Variants in EVC2 observed in about 807,000 individuals in gnomAD.
EVC2 encodes EvC ciliary complex subunit 2.
EVC2 carries 148 observed loss-of-function variants against 149.3 expected under a neutral mutation model. The ratio of observed to expected loss-of-function variants is 0.99; its 90% CI spans 0.87 to 1.14. The LOEUF is 1.14. Among genes scored for constraint, EVC2 ranks in the 50% most tolerant of loss-of-function variants. EVC2 has a pLI of 0.00. For synonymous variants in EVC2, 776 were observed against 649.9 expected, an observed-to-expected ratio of 1.19 and a Z score of -2.95; for missense variants, 1,854 against 1,627.3, an observed-to-expected ratio of 1.14 and a Z score of -2.40.
Position 5,708,546 on chromosome 4 carries a change from G to T in EVC2, c.-33C>A. On this transcript the variant is annotated 5_prime_UTR_variant, in exon 1 of 22. Coordinates refer to ENST00000344408, the MANE Select transcript of EVC2 (RefSeq NM_147127.5). ...CGGGACCCGCTACCTCAAAGCGGCG[G>T]GTGCCGCCGAGTCGCTGGAGCTTCC... 7.2e-7 allele frequency: 1 copy of T among 1,384,130 alleles called. No homozygotes were observed. Among genetic ancestry groups the T allele is most frequent in the Non-Finnish European group, 9.4e-7 (1 of 1,068,082 alleles). 85.7% of individuals were successfully genotyped at this position (1,384,130 alleles called of 1,614,324 possible).
chr4:5,668,332 T>C (rs550921736), intron 7 of EVC2, among the ~76,000 whole-genome samples: 18 of 152,346 alleles, frequency 1.2e-4, no homozygotes, highest in Admixed American at 1.1e-3. Context: ...AATCAAAGTG[T>C]GATGCCACTT....
At chr4:5,681,372 A>T in intron 6 of EVC2, 59 bp from the exon 7 acceptor site, 2 of 1,574,466 alleles carry the variant, frequency 1.3e-6, no homozygotes, top group Admixed American at 3.3e-5. Flanking sequence ...CACGTGGGAT[A>T]ACATTTGGTG....
chr4:5,589,208 T>C (rs1381922720), intron 16 of EVC2, among the ~76,000 whole-genome samples: 2 of 152,248 alleles, frequency 1.3e-5, no homozygotes. Flanking sequence ...TAAGCTCTTT[T>C]ATGTGGGACT....
chr4:5,566,581 G>A (rs1174191381), intron 20 of EVC2, among the ~76,000 whole-genome samples: 1 of 152,308 alleles, frequency 6.6e-6, no homozygotes. Context: ...GATGCTAGCT[G>A]CTGGGGACAC....
At chr4:5,632,098 A>G (rs969200122) in intron 10 of EVC2, 66 bp from the exon 11 acceptor site, 2 of 1,597,102 alleles carry the variant, frequency 1.3e-6, no homozygotes, top group African/African-American at 1.3e-5. Context: ...TGTGCATGCA[A>G]TGCAATGTGT....
intron 7 of EVC2, among the ~76,000 whole-genome samples, chr4:5,667,764 G>C (rs767640799): frequency 1.3e-5 from 2 of 152,238 alleles, no homozygotes; most frequent in Non-Finnish European, 2.9e-5. Context: ...GGGACTCAGT[G>C]TCCAGGGTTT....
intron 21 of EVC2, among the ~76,000 whole-genome samples, chr4:5,548,972 T>TC (rs1721678888): frequency 2.6e-3 from 1 of 388 alleles, no homozygotes; most frequent in Non-Finnish European, 7.2e-3. Context: ...CTTCCTTCCT[T>TC]CTTTCTTTCT....
chr4:5,633,887 T>C lies in EVC2; in HGVS notation c.1471-1855A>G, dbSNP rs1403096101. Among the ~76,000 whole-genome samples the C allele has an allele frequency of 6.6e-6, 1 of 152,202 alleles. No individual in the cohort carries two copies. ...TCCACTTCCAATAACTCACAGAAGC[T>C]CTCAAAGGTGACATGCTGATCTCTA... On this transcript the variant is annotated intron_variant, in intron 10 of 21. Transcript: ENST00000344408. The surrounding 1 kb of genome is among the most constrained non-coding windows in gnomAD (Gnocchi z 4.4).
intron 5 of EVC2, among the ~76,000 whole-genome samples, chr4:5,688,339 G>A (rs764375839): frequency 1.3e-5 from 2 of 152,088 alleles, no homozygotes; most frequent in African/African-American, 2.4e-5. Flanking sequence ...GAAGCATGAC[G>A]GTTTAAAGGT....
Position 5,673,571 on chromosome 4 carries a change from C to CCA in EVC2, c.870+7688_870+7689insTG, listed in dbSNP as rs1388637965. ...GAGATGGTTATCCCGGCTTCCCCCC[C>CCA]AGAGTCCTCCTCACTTTCCTTCTTG... On this transcript the variant is annotated intron_variant, in intron 7 of 21. Transcript: ENST00000344408. Among the ~76,000 whole-genome samples the CCA allele has an allele frequency of 1.6e-4, 24 of 152,322 alleles. No individual in the cohort carries two copies. The East Asian group carries it at 2.3e-3, about 15-fold the overall frequency.
chr4:5,641,422 G>A (rs540363164), intron 9 of EVC2, among the ~76,000 whole-genome samples: 7 of 152,300 alleles, frequency 4.6e-5, no homozygotes, highest in African/African-American at 1.7e-4. Flanking sequence ...CAGGATACAT[G>A]GGAATTATCT....
Position 5,567,025 on chromosome 4 carries a change from G to C in EVC2, c.3557+1419C>G, listed in dbSNP as rs1722330523. ...ATATTCCATGGAGGAGCGTAGCATA[G>C]AGCATGTAACTGTCATCCTGTCACT... On this transcript the variant is annotated intron_variant, in intron 20 of 21. Transcript: ENST00000344408. This position sits in a 1 kb window ranked among gnomAD's most constrained non-coding sequence, Gnocchi z 4.4. 6.6e-6 allele frequency among the ~76,000 whole-genome samples: 1 copy of C among 152,116 alleles called. No individual in the cohort carries two copies. The highest frequency in any genetic ancestry group is 2.4e-5 in the African/African-American group (1 of 41,408).
In EVC2 at chr4:5,689,232, C is replaced by A; in HGVS notation, c.631G>T (p.Gly211Cys). The change falls in exon 5 of 22, where the codon GGT becomes TGT. Residue 211 changes from glycine (G) to cysteine (C), a missense_variant. Gly to Cys is a radical substitution (Grantham distance 159). Coordinates refer to ENST00000344408, the MANE Select transcript of EVC2 (RefSeq NM_147127.5). The part of the protein sequence containing the change: ...SELLLLDSIA[G>C]LTIWDSVGNR... The stretch of plus-strand genomic sequence containing the variant: ...CCCACAGAGTCCCAAATGGTGAGAC[C>A]AGCAATGCTGTCCAGCAAGAGCAGC... 2 of 1,614,200 alleles carry A rather than the reference C, an allele frequency of 1.2e-6. No individual in the cohort carries two copies. The highest frequency in any genetic ancestry group is 1.7e-6 in the Non-Finnish European group (2 of 1,180,034).
In EVC2 at chr4:5,565,365, G is replaced by A. The variant is rs527866261; in HGVS notation, c.3558-6C>T. The A allele has an allele frequency of 3.2e-5, 52 of 1,613,690 alleles. No individual in the cohort carries two copies. In the South Asian group the frequency reaches 5.7e-4, roughly 18 times the overall value. The stretch of plus-strand genomic sequence containing the variant: ...GCCACCAGCTCTGGTGTTTCCTGCA[G>A]GCAAGAAGGGAGTCTTATAGTTTCA... On this transcript the variant is annotated splice_polypyrimidine_tract_variant and splice_region_variant and intron_variant, in intron 20 of 21. Coordinates refer to ENST00000344408, the MANE Select transcript of EVC2 (RefSeq NM_147127.5).
intron 16 of EVC2, among the ~76,000 whole-genome samples, chr4:5,607,992 G>A (rs1362518253): frequency 6.6e-6 from 1 of 152,006 alleles, no homozygotes; most frequent in Non-Finnish European, 1.5e-5. Flanking sequence ...CTTGGGAGGT[G>A]AAGGCCTTCT....
downstream of EVC2, among the ~76,000 whole-genome samples, chr4:5,538,620 T>C (rs1427467188): frequency 6.6e-6 from 1 of 152,158 alleles, no homozygotes; most frequent in Non-Finnish European, 1.5e-5. Context: ...AAGAATAGTA[T>C]ATCATGACCA....
rs1292564840 is a variant in EVC2 at position 5,708,323 on chromosome 4, G to T, written c.191C>A (p.Pro64Gln). 17 of 1,467,714 alleles carry T rather than the reference G, an allele frequency of 1.2e-5. No individual in the cohort carries two copies. Among genetic ancestry groups the T allele is most frequent in the Non-Finnish European group, 1.5e-5 (17 of 1,115,422 alleles). The allele number at this position is 1,467,714 out of a possible 1,614,324, so 90.9% of individuals were successfully genotyped here. Residue 64 changes from proline to glutamine, a missense_variant, in exon 1 of 22, where the codon CCG becomes CAG. Transcript: ENST00000344408. ...PRSGPGLRIP[P>Q]GRSGAGPESS... ...CTCGGGCCCCGCCCCGCTCCGCCCC[G>T]GAGGGATCCTCAGGCCGGGCCCAGA...
intron 16 of EVC2, among the ~76,000 whole-genome samples, chr4:5,603,685 C>T (rs1714171456): frequency 6.6e-6 from 1 of 152,122 alleles, no homozygotes; most frequent in Non-Finnish European, 1.5e-5. Flanking sequence ...GCATGCACGA[C>T]ACATCATGAA....
At chr4:5,588,314 A>C (rs1712481127) in intron 16 of EVC2, among the ~76,000 whole-genome samples, 1 of 152,072 alleles carries the variant, frequency 6.6e-6, no homozygotes, top group South Asian at 2.1e-4. Flanking sequence ...AGTTGCTTTG[A>C]AGATTTTCTC....
Sources: allele counts gnomAD v4.1 joint callset (sites outside exome capture counted in the v4.1 genomes callset), GRCh38; gene constraint gnomAD v4.1.1; non-coding constraint Gnocchi (gnomAD v3.1); transcripts MANE v1.5; gene names NCBI Gene and HGNC (gene_info 2026-07-23, HGNC 2026-07-21).